PTPRB: variants seen among roughly 807,000 people sequenced by gnomAD.
The protein encoded by PTPRB is protein tyrosine phosphatase receptor type B.
Under a neutral mutation model 238.1 loss-of-function variants are expected in PTPRB, and 97 were observed. The observed-to-expected ratio is 0.41, with a 90% confidence interval of 0.35 to 0.48. PTPRB has a LOEUF of 0.48. Among genes scored for constraint, PTPRB ranks in the 20% least tolerant of loss-of-function variants. The probability of loss-of-function intolerance (pLI) is 0.30; values close to 1 mark genes in which losing one functional copy is unlikely to be tolerated. For synonymous variants in PTPRB, 970 were observed against 995.4 expected (o/e 0.97, Z 0.48); for missense variants, 2,292 against 2,681.9 (o/e 0.85, Z 3.21).
chr12:70,523,430 T>G (rs1372096513), intron 33 of PTPRB, among the ~76,000 whole-genome samples: 1 of 152,184 alleles, frequency 6.6e-6, no homozygotes, highest in Non-Finnish European at 1.5e-5. Flanking sequence ...TATAGTGTGG[T>G]AGGAGAAATA....
intron 11 of PTPRB, among the ~76,000 whole-genome samples, chr12:70,573,482 T>C (rs907996835): frequency 2.7e-5 from 4 of 150,674 alleles, no homozygotes; most frequent in Non-Finnish European, 4.4e-5. Context: ...AGTTGATGCA[T>C]GGTTTCTTTT....
At chr12:70,554,344 A>G (rs955551676) in intron 20 of PTPRB, among the ~76,000 whole-genome samples, 1 of 152,214 alleles carries the variant, frequency 6.6e-6, no homozygotes, top group Non-Finnish European at 1.5e-5. Flanking sequence ...AATATATAAG[A>G]AAGGTAAACT....
chr12:70,620,515 A>AT (rs1215771038), intron 3 of PTPRB, among the ~76,000 whole-genome samples: 1 of 151,976 alleles, frequency 6.6e-6, no homozygotes, highest in African/African-American at 2.4e-5. Flanking sequence ...GACACACTTA[A>AT]TTTTTTTTCT....
In PTPRB at chr12:70,534,972, A is replaced by C. The variant is rs758582992; in HGVS notation, c.6082-17T>G. The C allele has an allele frequency of 1.2e-5, 20 of 1,601,210 alleles. No individual in the cohort carries two copies. The Middle Eastern group carries it at 5.0e-4, about 40-fold the overall frequency. Reference sequence around the variant, plus strand: ...ACACTTTACCTAGAACAGGACAGACAGAAAAAACATGAGTCCGGAAAAGTG... The same window carrying C: ...ACACTTTACCTAGAACAGGACAGACCGAAAAAACATGAGTCCGGAAAAGTG... On this transcript the variant is annotated splice_polypyrimidine_tract_variant and intron_variant, in intron 29 of 33. Coordinates refer to ENST00000334414, the MANE Select transcript of PTPRB (RefSeq NM_001109754.4).
At chr12:70,564,883 AATAAT>A in intron 15 of PTPRB, among the ~76,000 whole-genome samples, 1 of 34,910 alleles carries the variant, frequency 2.9e-5, no homozygotes, top group South Asian at 1.1e-3. Flanking sequence ...TAATAATAAT[AATAAT>A]AAATAGATAG....
chr12:70,597,043 G>A (rs1398991218), intron 4 of PTPRB, among the ~76,000 whole-genome samples: 7 of 151,748 alleles, frequency 4.6e-5, no homozygotes, highest in Admixed American at 3.9e-4. Flanking sequence ...TCAGTTTCCC[G>A]AGTAGCTGGG....
chr12:70,537,181 G>A (rs1874266916), intron 28 of PTPRB, among the ~76,000 whole-genome samples: 2 of 151,348 alleles, frequency 1.3e-5, no homozygotes, highest in South Asian at 4.2e-4. Context: ...CAGCTACTCG[G>A]GCGGCTGAGG....
chr12:70,579,154 C>T (rs1291865229), intron 10 of PTPRB, among the ~76,000 whole-genome samples: 1 of 152,166 alleles, frequency 6.6e-6, no homozygotes, highest in Non-Finnish European at 1.5e-5. Context: ...AATGCAAGGT[C>T]GTCCTCCACT....
At chr12:70,586,901 A>G in intron 9 of PTPRB, 106 bp downstream of exon 9, 2 of 1,093,706 alleles carry the variant, frequency 1.8e-6, no homozygotes, top group Non-Finnish European at 2.7e-6. Context: ...CCATAAAGCA[A>G]TGCCCAGTAC....
At chr12:70,580,938 G>A (rs890822591) in intron 10 of PTPRB, 98 bp downstream of exon 10, 2 of 1,360,254 alleles carry the variant, frequency 1.5e-6, no homozygotes, top group African/African-American at 1.5e-5. Context: ...AAAGGCCAGG[G>A]ATGAGTCTGA....
chr12:70,570,081 T>C, intron 13 of PTPRB, 143 bp from the exon 14 acceptor site: 1 of 789,626 alleles, frequency 1.3e-6, no homozygotes, highest in East Asian at 2.7e-5. Flanking sequence ...GCCACTTTTC[T>C]CTGATTTTTC....
At chr12:70,610,739 T>C (rs1249466056) in intron 3 of PTPRB, among the ~76,000 whole-genome samples, 1 of 152,180 alleles carries the variant, frequency 6.6e-6, no homozygotes, top group Non-Finnish European at 1.5e-5. Context: ...ACGACAAATA[T>C]AATCACTACC....
chr12:70,574,779 C>T (rs1252132850), intron 11 of PTPRB, among the ~76,000 whole-genome samples: 1 of 152,190 alleles, frequency 6.6e-6, no homozygotes, highest in African/African-American at 2.4e-5. Flanking sequence ...AATGATTTGC[C>T]TCCATTAGTC....
At chr12:70,553,105 C>T (rs1592455986) in intron 20 of PTPRB, 85 bp from the exon 21 acceptor site, 2 of 1,442,226 alleles carry the variant, frequency 1.4e-6, no homozygotes, top group East Asian at 2.3e-5. Flanking sequence ...TCTAAGGCTG[C>T]CTCCACATCC....
chr12:70,531,468 C>T (rs959582669), intron 32 of PTPRB, among the ~76,000 whole-genome samples: 4 of 152,126 alleles, frequency 2.6e-5, no homozygotes, highest in African/African-American at 9.7e-5. Flanking sequence ...ACGCTTATAG[C>T]ACAATCAAGG....
intron 4 of PTPRB, among the ~76,000 whole-genome samples, chr12:70,605,053 G>A (rs1883831181): frequency 6.6e-6 from 1 of 152,108 alleles, no homozygotes; most frequent in Admixed American, 6.5e-5. Context: ...TTCCTAAAAT[G>A]TTTTTTATTA....
intron 3 of PTPRB, among the ~76,000 whole-genome samples, chr12:70,619,913 T>A (rs1465569774): frequency 6.6e-6 from 1 of 152,244 alleles, no homozygotes; most frequent in Non-Finnish European, 1.5e-5. Context: ...GACTCATTTT[T>A]ACTTTTCAAA....
chr12:70,630,383 A>C (rs1472449824), intron 2 of PTPRB, among the ~76,000 whole-genome samples: 1 of 152,228 alleles, frequency 6.6e-6, no homozygotes, highest in African/African-American at 2.4e-5. Context: ...TCACGCTAAA[A>C]ACTCTCAATA....
intron 11 of PTPRB, among the ~76,000 whole-genome samples, chr12:70,572,793 GA>G (rs1476217237): frequency 4.1e-5 from 5 of 121,932 alleles, no homozygotes; most frequent in South Asian, 2.8e-4. Flanking sequence ...AAAAAAAAAA[GA>G]AAAGAAAAGG....
Sources: gnomAD v4.1 joint callset for allele counts (sites outside exome capture counted in the v4.1 genomes callset) on GRCh38, gnomAD v4.1.1 for gene constraint, MANE v1.5 for transcripts, NCBI Gene and HGNC (gene_info 2026-07-23, HGNC 2026-07-21) for gene names.